HEMK2: variants seen among roughly 807,000 people sequenced by gnomAD.
The protein encoded by HEMK2 is HemK methyltransferase 2, ETF1 glutamine and histone H4 lysine, also known as methyltransferase HEMK2.
chr21:28,778,772 C>T, the HEMK2 span, among the ~76,000 whole-genome samples: 3 of 152,232 alleles, frequency 2.0e-5, no homozygotes, highest in African/African-American at 7.2e-5. Flanking sequence ...AAATTTTTTA[C>T]CTGACTTTTT....
the HEMK2 span, chr21:28,878,327 T>G: frequency 1.9e-6 from 3 of 1,612,996 alleles, no homozygotes; most frequent in Non-Finnish European, 2.5e-6. Context: ...ATTCCGTGAC[T>G]TCCTACCTGT....
the HEMK2 span, among the ~76,000 whole-genome samples, chr21:28,697,900 T>C: frequency 1.3e-4 from 19 of 151,836 alleles, no homozygotes; most frequent in African/African-American, 4.4e-4. Flanking sequence ...ACAATGGGAA[T>C]TTATTTCTCA....
the HEMK2 span, among the ~76,000 whole-genome samples, chr21:28,591,834 G>A: frequency 6.6e-6 from 1 of 152,072 alleles, no homozygotes; most frequent in East Asian, 1.9e-4. Flanking sequence ...CGTTTTCTAA[G>A]GCTAATGACC....
chr21:28,737,549 G>A, the HEMK2 span, among the ~76,000 whole-genome samples: 1 of 151,362 alleles, frequency 6.6e-6, no homozygotes, highest in Admixed American at 6.6e-5. Flanking sequence ...TGGCCTACTT[G>A]TGTTTTAATG....
At chr21:28,801,750 T>C in the HEMK2 span, among the ~76,000 whole-genome samples, 1 of 152,090 alleles carries the variant, frequency 6.6e-6, no homozygotes, top group African/African-American at 2.4e-5. Flanking sequence ...TGTTTGAAAA[T>C]TGGCAATTTC....
At chr21:28,778,803 A>G in the HEMK2 span, among the ~76,000 whole-genome samples, 1 of 152,074 alleles carries the variant, frequency 6.6e-6, no homozygotes, top group African/African-American at 2.4e-5. Flanking sequence ...TTGGGGGTTT[A>G]GTTGATTTTT....
chr21:28,641,754 C>T, the HEMK2 span, among the ~76,000 whole-genome samples: 2 of 152,176 alleles, frequency 1.3e-5, no homozygotes, highest in African/African-American at 2.4e-5. Flanking sequence ...ACAAATTATA[C>T]AATTTCTTCA....
chr21:28,831,522 AGAAGGAAAGAAG>A, the HEMK2 span, among the ~76,000 whole-genome samples: 14 of 51,700 alleles, frequency 2.7e-4, no homozygotes, highest in African/African-American at 5.9e-4. Context: ...AAAGAAAGAA[AGAAGGAAAGAAG>A]GAAAGAAGGA....
chr21:28,703,100 G>A, the HEMK2 span, among the ~76,000 whole-genome samples: 2 of 152,152 alleles, frequency 1.3e-5, no homozygotes, highest in Non-Finnish European at 2.9e-5. Flanking sequence ...ATAAGTGGAA[G>A]CTAAACATTG....
chr21:28,786,191 C>T, the HEMK2 span, among the ~76,000 whole-genome samples: 5 of 152,176 alleles, frequency 3.3e-5, no homozygotes, highest in East Asian at 1.9e-4. Flanking sequence ...GCAAATCACA[C>T]CGCCATGTTT....
chr21:28,675,980 G>C, the HEMK2 span, among the ~76,000 whole-genome samples: 85,624 of 152,060 alleles, frequency 0.56, 27,088 homozygotes, highest in African/African-American at 0.85. Context: ...ACCCTGCCCC[G>C]TGGAATTTAC....
At chr21:28,784,966 C>G in the HEMK2 span, among the ~76,000 whole-genome samples, 1 of 152,198 alleles carries the variant, frequency 6.6e-6, no homozygotes. Context: ...AGATCTGCGG[C>G]TTCACTCCTG....
At chr21:28,816,723 G>A in the HEMK2 span, among the ~76,000 whole-genome samples, 1 of 152,266 alleles carries the variant, frequency 6.6e-6, no homozygotes, top group Non-Finnish European at 1.5e-5. Context: ...TACAGCTGAA[G>A]AATGAATTAG....
chr21:28,798,638 G>A, the HEMK2 span, among the ~76,000 whole-genome samples: 1 of 152,096 alleles, frequency 6.6e-6, no homozygotes. Context: ...TTCTTTGGGG[G>A]CCTGGACAGG....
At chr21:28,730,434 A>G in the HEMK2 span, among the ~76,000 whole-genome samples, 4 of 125,732 alleles carry the variant, frequency 3.2e-5, no homozygotes, top group Non-Finnish European at 3.4e-5. Flanking sequence ...CACAATTTCT[A>G]TGGATCAGGG....
the HEMK2 span, among the ~76,000 whole-genome samples, chr21:28,621,262 A>T: frequency 3.3e-5 from 5 of 152,012 alleles, no homozygotes; most frequent in Non-Finnish European, 5.9e-5. Context: ...CTGGTACATT[A>T]TGTCTTTGTT....
chr21:28,604,008 G>A, the HEMK2 span, among the ~76,000 whole-genome samples: 1 of 152,196 alleles, frequency 6.6e-6, no homozygotes, highest in Non-Finnish European at 1.5e-5. Context: ...CTGCTATAGG[G>A]AGAGGTGAAC....
chr21:28,627,892 T>C, the HEMK2 span, among the ~76,000 whole-genome samples: 1 of 152,110 alleles, frequency 6.6e-6, no homozygotes, highest in Non-Finnish European at 1.5e-5. Flanking sequence ...CTTTGTAACA[T>C]CACTTAAGTC....
the HEMK2 span, among the ~76,000 whole-genome samples, chr21:28,696,995 C>T: frequency 7.4e-6 from 1 of 134,390 alleles, no homozygotes; most frequent in Non-Finnish European, 1.5e-5. Context: ...AGCCCTGGAC[C>T]TGGCCAAGGA....
Sources: gnomAD v4.1 joint callset for allele counts (sites outside exome capture counted in the v4.1 genomes callset) on GRCh38, gnomAD v4.1.1 for gene constraint, MANE v1.5 for transcripts, NCBI Gene and HGNC (gene_info 2026-07-23, HGNC 2026-07-21) for gene names.